Variants in LMX1B observed in about 807,000 individuals in gnomAD.
LMX1B encodes the protein LIM homeobox transcription factor 1-beta.
A neutral mutation model predicts 51.4 loss-of-function variants in LMX1B; 12 were observed. That is an observed-to-expected ratio of 0.23 (90% CI 0.15 to 0.38). The LOEUF is 0.38. Ranked by LOEUF, LMX1B falls within the 10% of genes least tolerant of loss-of-function variation. The pLI is 1.00. For missense variants in LMX1B, 445 were observed against 571.1 expected, an observed-to-expected ratio of 0.78 and a Z score of 2.25; for synonymous variants, 237 against 235.4, an observed-to-expected ratio of 1.01 and a Z score of -0.06.
chr9:126,693,625 A>C (rs1475312151), intron 5 of LMX1B, 24 bp downstream of exon 5: 1 of 1,612,584 alleles, frequency 6.2e-7, no homozygotes, highest in African/African-American at 1.3e-5. Flanking sequence ...CCCCATCCCC[A>C]CTGGCCCCGG....
chr9:126,636,528 G>C (rs1483700325), intron 2 of LMX1B, among the ~76,000 whole-genome samples: 3 of 152,022 alleles, frequency 2.0e-5, no homozygotes, highest in African/African-American at 7.2e-5. Flanking sequence ...TGTCATGTCA[G>C]ATTTGAGGTT....
intron 2 of LMX1B, among the ~76,000 whole-genome samples, chr9:126,617,373 T>G (rs1174897699): frequency 6.6e-6 from 1 of 151,566 alleles, no homozygotes; most frequent in African/African-American, 2.4e-5. Context: ...GGCCTCCAAA[T>G]CATTTGCACA....
At chr9:126,664,035 C>A (rs374004066) in intron 2 of LMX1B, among the ~76,000 whole-genome samples, 2 of 152,228 alleles carry the variant, frequency 1.3e-5, no homozygotes, top group East Asian at 3.8e-4. Flanking sequence ...CAGCTGCACC[C>A]ACGGAGCCCA....
At chr9:126,638,592 C>A (rs575092255) in intron 2 of LMX1B, among the ~76,000 whole-genome samples, 3 of 152,188 alleles carry the variant, frequency 2.0e-5, no homozygotes, top group Non-Finnish European at 4.4e-5. Context: ...GCCCGCTTGG[C>A]AGTTTTTAAT....
rs143407067 is a variant in LMX1B at position 126,693,248 on chromosome 9, C to T, written c.666C>T (p.Pro222=). The T allele has an allele frequency of 2.9e-5, 47 of 1,611,516 alleles. No homozygotes were observed. The highest frequency in any genetic ancestry group is 3.6e-5 in the Non-Finnish European group (43 of 1,179,248). Residue 222 remains proline (P), a synonymous_variant, in exon 4 of 8, where the codon CCC becomes CCT. Coordinates refer to ENST00000373474, the MANE Select transcript of LMX1B (RefSeq NM_001174147.2). ...AGGACCCGCGGAGGCCCAAGCGACC[C>T]CGGACCATCCTCACCACGCAGCAGC... ...DGKDPRRPKR[P]RTILTTQQRR...
chr9:126,621,652 C>CTTT (rs770160486), intron 2 of LMX1B, among the ~76,000 whole-genome samples: 6 of 100,292 alleles, frequency 6.0e-5, no homozygotes, highest in African/African-American at 2.8e-4. Context: ...CTCTCTCTCT[C>CTTT]TTCTTTTTTT....
intron 2 of LMX1B, among the ~76,000 whole-genome samples, chr9:126,685,997 C>T (rs1352725723): frequency 6.6e-6 from 1 of 152,104 alleles, no homozygotes; most frequent in Admixed American, 6.6e-5. Flanking sequence ...GCTCCCAGGA[C>T]ATTAGGAAGC....
In LMX1B at chr9:126,625,464, A is replaced by G. The variant is rs910837441; in HGVS notation, c.326+9895A>G. Reference sequence around the variant, plus strand: ...CTCCGGGTGCACACCCACCACCCCCATTAAAGCGGGATTGACCAGAAGAGA... The same window carrying G: ...CTCCGGGTGCACACCCACCACCCCCGTTAAAGCGGGATTGACCAGAAGAGA... On this transcript the variant is annotated intron_variant, in intron 2 of 7. Coordinates refer to ENST00000373474, the MANE Select transcript of LMX1B (RefSeq NM_001174147.2). This position sits in a 1 kb window ranked among gnomAD's most constrained non-coding sequence, Gnocchi z 5.3. Among the ~76,000 whole-genome samples, 71 of 152,156 alleles carry G rather than the reference A, an allele frequency of 4.7e-4. No homozygotes were observed. The highest frequency in any genetic ancestry group is 1.7e-3 in the African/African-American group (69 of 41,436).
chr9:126,668,550 T>C (rs946044572), intron 2 of LMX1B, among the ~76,000 whole-genome samples: 2 of 151,648 alleles, frequency 1.3e-5, no homozygotes, highest in African/African-American at 4.9e-5. Flanking sequence ...GTCTTCTGAG[T>C]TCAAGCAATT....
chr9:126,648,812 A>G (rs1564154498), intron 2 of LMX1B, among the ~76,000 whole-genome samples: 17 of 152,148 alleles, frequency 1.1e-4, no homozygotes. Context: ...CTGTGACAGT[A>G]GGGACTGAAA....
In LMX1B at chr9:126,626,166, G is replaced by GT. The variant is rs1835525912; in HGVS notation, c.326+10598dup. On this transcript the variant is annotated intron_variant, in intron 2 of 7. Transcript: ENST00000373474. The surrounding 1 kb of genome is among the most constrained non-coding windows in gnomAD (Gnocchi z 4.3). ...GCTCCCTGGCCTCCTATTAGAACTC[G>GT]TAGAGGATCCGCTCTGGAGTCCCCG... Among the ~76,000 whole-genome samples, 1 of 152,190 alleles carries GT rather than the reference G, an allele frequency of 6.6e-6. No homozygotes were observed. The highest frequency in any genetic ancestry group is 1.5e-5 in the Non-Finnish European group (1 of 68,026).
intron 2 of LMX1B, among the ~76,000 whole-genome samples, chr9:126,651,303 G>C (rs1052433415): frequency 3.9e-5 from 6 of 152,032 alleles, no homozygotes; most frequent in African/African-American, 1.5e-4. Flanking sequence ...GGACTGGGGG[G>C]GGTGGCTCCA....
intron 2 of LMX1B, among the ~76,000 whole-genome samples, chr9:126,690,482 A>G (rs1235121025): frequency 6.6e-6 from 1 of 152,206 alleles, no homozygotes; most frequent in African/African-American, 2.4e-5. Flanking sequence ...TGAGGTAGAA[A>G]GGATCCTTTC....
At chr9:126,693,704 G>C (rs576165073) in intron 5 of LMX1B, 42 bp from the exon 6 acceptor site, 4 of 1,577,000 alleles carry the variant, frequency 2.5e-6, no homozygotes, top group Middle Eastern at 1.7e-4. Flanking sequence ...CTGTGCCTGG[G>C]GGCGAGGGGC....
chr9:126,620,697 G>A (rs1469290980), intron 2 of LMX1B, among the ~76,000 whole-genome samples: 1 of 152,056 alleles, frequency 6.6e-6, no homozygotes, highest in Non-Finnish European at 1.5e-5. Flanking sequence ...GACGGAGGGT[G>A]GCCGGGTGTG....
chr9:126,691,862 G>T (rs1486302814), intron 3 of LMX1B, among the ~76,000 whole-genome samples: 1 of 152,202 alleles, frequency 6.6e-6, no homozygotes, highest in Non-Finnish European at 1.5e-5. Context: ...TTCCCAGGGT[G>T]AAGGACCCTC....
In LMX1B at chr9:126,671,465, T is replaced by C. The variant is rs1436368182; in HGVS notation, c.327-19371T>C. On this transcript the variant is annotated intron_variant, in intron 2 of 7. Transcript: ENST00000373474. This position sits in a 1 kb window ranked among gnomAD's most constrained non-coding sequence, Gnocchi z 4.4. ...TCTTTGTTCCGAGCAGAGCTCAGAC[T>C]GCAGAGTGGCTGGGTAAATAGTCGC... is the stretch of plus-strand genomic sequence containing the variant. Among the ~76,000 whole-genome samples the C allele has an allele frequency of 6.6e-6, 1 of 151,940 alleles. No homozygotes were observed. The highest frequency in any genetic ancestry group is 2.4e-5 in the African/African-American group (1 of 41,348).
rs184950796 is a variant in LMX1B, at chr9:126,625,947, G to C, written c.326+10378G>C. Among the ~76,000 whole-genome samples, 22 of 152,350 alleles carry C rather than the reference G, an allele frequency of 1.4e-4. No individual in the cohort carries two copies. The highest frequency in any genetic ancestry group is 4.1e-4 in the African/African-American group (17 of 41,590). Reference sequence around the variant, plus strand: ...CGGGCGTCGGAGAAGCGGCCGCGCTGTTCCGGGTCACTGCACCGGCTGAAA... The same window carrying C: ...CGGGCGTCGGAGAAGCGGCCGCGCTCTTCCGGGTCACTGCACCGGCTGAAA... On this transcript the variant is annotated intron_variant, in intron 2 of 7. Transcript: ENST00000373474. The surrounding 1 kb of genome is among the most constrained non-coding windows in gnomAD (Gnocchi z 5.3).
chr9:126,661,826 A>T (rs937806847), intron 2 of LMX1B, among the ~76,000 whole-genome samples: 2 of 152,110 alleles, frequency 1.3e-5, no homozygotes, highest in African/African-American at 2.4e-5. Flanking sequence ...GGGGAGGGGG[A>T]CACCTGGCCA....
Sources: allele counts gnomAD v4.1 joint callset (sites outside exome capture counted in the v4.1 genomes callset), GRCh38; gene constraint gnomAD v4.1.1; non-coding constraint Gnocchi (gnomAD v3.1); transcripts MANE v1.5; gene names NCBI Gene and HGNC (gene_info 2026-07-23, HGNC 2026-07-21).